The following CSMD3 variants were observed in gnomAD, a reference collection of about 807,000 sequenced individuals.
CSMD3 encodes CUB and Sushi multiple domains 3.
A neutral mutation model predicts 435.2 loss-of-function variants in CSMD3; 177 were observed. That is an observed-to-expected ratio of 0.41 (90% CI 0.36 to 0.46). The LOEUF (loss-of-function observed/expected upper bound fraction) is 0.46. Ranked by LOEUF, CSMD3 falls within the 20% of genes least tolerant of loss-of-function variation. The pLI, the probability that CSMD3 is intolerant of heterozygous loss-of-function variation, is 0.34. For synonymous variants in CSMD3, 1,656 were observed against 1,520.5 expected, an observed-to-expected ratio of 1.09 and a Z score of -2.07; for missense variants, 4,265 against 4,504.6, an observed-to-expected ratio of 0.95 and a Z score of 1.52.
chr8:113,028,227 G>A (rs2086950585), intron 5 of CSMD3, among the ~76,000 whole-genome samples: 1 of 151,882 alleles, frequency 6.6e-6, no homozygotes, highest in African/African-American at 2.4e-5. Flanking sequence ...TCTTCTAATT[G>A]CTTTTGGGTG....
At chr8:112,624,320 T>C (rs1204880675) in intron 22 of CSMD3, among the ~76,000 whole-genome samples, 1 of 152,036 alleles carries the variant, frequency 6.6e-6, no homozygotes, top group African/African-American at 2.4e-5. Context: ...CTTTGGCAAA[T>C]TCTAGAACTT....
chr8:112,457,807 T>A (rs754351219), intron 32 of CSMD3, among the ~76,000 whole-genome samples: 5 of 152,056 alleles, frequency 3.3e-5, no homozygotes, highest in Non-Finnish European at 7.4e-5. Context: ...CCCAGCTGCA[T>A]ATGAATGTCT....
intron 1 of CSMD3, among the ~76,000 whole-genome samples, chr8:113,418,420 C>G (rs2094592650): frequency 6.6e-6 from 1 of 151,942 alleles, no homozygotes; most frequent in Non-Finnish European, 1.5e-5. Flanking sequence ...ATTTTTGCAG[C>G]GTGGCAGTAA....
In CSMD3 at chr8:113,243,106, TTTC is replaced by T. The variant is rs202125721; in HGVS notation, c.514+35483_514+35485del. ...CTTTGTTTTTAATTTCATTTGCATATTTCTTCATCTCTATTAATACAAGAAATA... is the reference window on the plus strand; with the variant it reads ...CTTTGTTTTTAATTTCATTTGCATATTTCATCTCTATTAATACAAGAAATA... On this transcript the variant is annotated intron_variant, in intron 3 of 70. Coordinates refer to ENST00000297405, the MANE Select transcript of CSMD3 (RefSeq NM_198123.2). Among the ~76,000 whole-genome samples, 1,320 of 152,042 alleles carry T rather than the reference TTTC, an allele frequency of 8.7e-3. 53 individuals carry two copies. The highest frequency in any genetic ancestry group is 0.069 in the Admixed American group (1,047 of 15,270).
chr8:112,892,618 C>CT (rs1281375760), intron 10 of CSMD3, among the ~76,000 whole-genome samples: 1 of 151,500 alleles, frequency 6.6e-6, no homozygotes, highest in Non-Finnish European at 1.5e-5. Flanking sequence ...ACTGCCAGCA[C>CT]TTTTGTACTT....
intron 38 of CSMD3, among the ~76,000 whole-genome samples, chr8:112,377,957 T>G (rs1259341089): frequency 6.6e-6 from 1 of 152,052 alleles, no homozygotes. Flanking sequence ...ATATCCACTC[T>G]CTCCACTTCT....
At chr8:112,587,532 A>G (rs933188080) in intron 22 of CSMD3, among the ~76,000 whole-genome samples, 3 of 151,840 alleles carry the variant, frequency 2.0e-5, no homozygotes, top group Admixed American at 6.6e-5. Flanking sequence ...GAACTTAAGA[A>G]TGTATTTTAC....
intron 22 of CSMD3, among the ~76,000 whole-genome samples, chr8:112,609,201 C>CAAAAAAAA (rs71566035): frequency 0.011 from 486 of 42,940 alleles, 16 homozygotes; most frequent in Non-Finnish European, 0.013. Context: ...GATACTGCCT[C>CAAAAAAAA]AAAAAAAAAA....
chr8:113,117,301 G>C (rs904279198), intron 4 of CSMD3, among the ~76,000 whole-genome samples: 15 of 152,160 alleles, frequency 9.9e-5, no homozygotes, highest in African/African-American at 3.6e-4. Flanking sequence ...GTACAGCTTG[G>C]GCCATGGCTT....
At chr8:113,154,645 G>A (rs957727536) in intron 4 of CSMD3, among the ~76,000 whole-genome samples, 3 of 151,930 alleles carry the variant, frequency 2.0e-5, no homozygotes, top group Non-Finnish European at 2.9e-5. Context: ...AACATATTGC[G>A]CAGTTGCTGC....
chr8:113,193,325 T>C (rs943587054), intron 3 of CSMD3, among the ~76,000 whole-genome samples: 1 of 151,382 alleles, frequency 6.6e-6, no homozygotes, highest in African/African-American at 2.4e-5. Context: ...GGTCCTCTTA[T>C]TGCTTCTTAA....
intron 10 of CSMD3, among the ~76,000 whole-genome samples, chr8:112,874,121 T>A (rs191987172): frequency 3.3e-5 from 5 of 152,172 alleles, no homozygotes; most frequent in African/African-American, 1.2e-4. Flanking sequence ...TTTGTTTTCA[T>A]TGGTTTCAAA....
intron 11 of CSMD3, among the ~76,000 whole-genome samples, chr8:112,857,433 T>A (rs231303): frequency 0.96 from 145,066 of 151,784 alleles, 69,345 homozygotes; most frequent in South Asian, 0.99. Flanking sequence ...AACATCTTAT[T>A]GAACATGAGA....
chr8:112,899,455 A>G (rs1282074695), intron 10 of CSMD3, among the ~76,000 whole-genome samples: 2 of 148,242 alleles, frequency 1.3e-5, no homozygotes, highest in African/African-American at 4.9e-5. Context: ...TTTTCATTCT[A>G]AGCATTTTAG....
intron 22 of CSMD3, among the ~76,000 whole-genome samples, chr8:112,634,741 T>A (rs2074608684): frequency 6.6e-6 from 1 of 151,990 alleles, no homozygotes; most frequent in Admixed American, 6.6e-5. Context: ...TAAATGTACA[T>A]GTAAACACTT....
chr8:112,351,845 T>C (rs959547975), intron 39 of CSMD3, among the ~76,000 whole-genome samples: 38 of 152,082 alleles, frequency 2.5e-4, no homozygotes, highest in Middle Eastern at 3.4e-3. Flanking sequence ...TCTTAATGAG[T>C]TTATTCTTTA....
At chr8:113,108,685 GACAA>G (rs997442708) in intron 4 of CSMD3, among the ~76,000 whole-genome samples, 37 of 151,928 alleles carry the variant, frequency 2.4e-4, no homozygotes, top group South Asian at 6.2e-4. Flanking sequence ...ACATATCAGA[GACAA>G]ACAATTAGAC....
intron 27 of CSMD3, among the ~76,000 whole-genome samples, chr8:112,540,967 A>G (rs1563679570): frequency 6.6e-6 from 1 of 152,204 alleles, no homozygotes; most frequent in East Asian, 1.9e-4. Context: ...TATAATGAAT[A>G]TTCCAGTTAC....
rs553912965 is a variant in CSMD3, at chr8:112,897,612, G to C, written c.1633+24015C>G. 1.1e-4 allele frequency among the ~76,000 whole-genome samples: 17 copies of C among 150,146 alleles called. No individual in the cohort carries two copies. In the East Asian group the frequency reaches 3.4e-3, roughly 30 times the overall value. Reference sequence around the variant, plus strand: ...AACCTAAGTATCAACAGGTTAAAATGTTACTCTTTAGGAAAAGTGGTATTT... The same window carrying C: ...AACCTAAGTATCAACAGGTTAAAATCTTACTCTTTAGGAAAAGTGGTATTT... On this transcript the variant is annotated intron_variant, in intron 10 of 70. Coordinates refer to ENST00000297405, the MANE Select transcript of CSMD3 (RefSeq NM_198123.2).
Sources: allele counts gnomAD v4.1 joint callset (sites outside exome capture counted in the v4.1 genomes callset), GRCh38; gene constraint gnomAD v4.1.1; transcripts MANE v1.5; gene names NCBI Gene and HGNC (gene_info 2026-07-23, HGNC 2026-07-21).